The following RBBP8 variants were observed in gnomAD, a reference collection of about 807,000 sequenced individuals.
The protein encoded by RBBP8 is RB binding protein 8, endonuclease, also known as DNA endonuclease RBBP8.
A neutral mutation model predicts 108.3 loss-of-function variants in RBBP8; 88 were observed. That is an observed-to-expected ratio of 0.81 (90% confidence interval 0.68 to 0.97). The LOEUF is 0.97. Ranked by LOEUF, RBBP8 falls within the 50% of genes least tolerant of loss-of-function variation. The pLI, the probability that RBBP8 is intolerant of heterozygous loss-of-function variation, is 0.00. For missense variants in RBBP8, 1,023 were observed against 1,049.0 expected (o/e 0.98, Z 0.34); for synonymous variants, 332 against 348.2 (o/e 0.95, Z 0.52).
intron 2 of RBBP8, among the ~76,000 whole-genome samples, chr18:22,937,450 G>T (rs1910671643): frequency 6.8e-6 from 1 of 147,960 alleles, no homozygotes; most frequent in African/African-American, 2.5e-5. Context: ...GTTGAATTTT[G>T]TACATTTAAT....
intron 1 of RBBP8, among the ~76,000 whole-genome samples, chr18:22,915,210 C>T (rs887749456): frequency 2.6e-5 from 4 of 152,082 alleles, no homozygotes; most frequent in Admixed American, 6.5e-5. Flanking sequence ...GCTTTCCTGT[C>T]ATCTTAGTAG....
intron 5 of RBBP8, among the ~76,000 whole-genome samples, chr18:22,974,107 AT>A (rs1162344066): frequency 2.0e-5 from 3 of 152,218 alleles, no homozygotes; most frequent in Non-Finnish European, 4.4e-5. Context: ...TTAGAGTACA[AT>A]TAACCTTCTT....
chr18:22,959,179 G>C (rs1006669676), intron 4 of RBBP8, among the ~76,000 whole-genome samples: 1 of 152,072 alleles, frequency 6.6e-6, no homozygotes, highest in Non-Finnish European at 1.5e-5. Context: ...AATTTTCAAA[G>C]GGTCCTTGCA....
At chr18:23,022,651 T>TAAAATAAATAAAATAAAATAA (rs370599195) in intron 18 of RBBP8, among the ~76,000 whole-genome samples, 1 of 84,370 alleles carries the variant, frequency 1.2e-5, no homozygotes, top group African/African-American at 5.8e-5. Context: ...TAAAATACAA[T>TAAAATAAATAAAATAAAATAA]ATAAAATAAA....
chr18:23,022,204 C>G lies in RBBP8; in HGVS notation c.2530C>G (p.Pro844Ala), dbSNP rs757252674. ...CTCAAGACACCGATTCCGCTACATT[C>G]CACCCAACACACCAGAGAATTTTTG... Reference protein sequence around the residue: ...SCSRHRFRYIPPNTPENFWEV... With the variant: ...SCSRHRFRYIAPNTPENFWEV... The change falls in exon 18 of 19, where the codon CCA (proline) becomes GCA (alanine). Residue 844 changes from proline to alanine, a missense_variant. Pro to Ala is a conservative substitution (Grantham distance 27). Coordinates refer to ENST00000327155, the MANE Select transcript of RBBP8 (RefSeq NM_002894.3). 2.3e-5 allele frequency: 37 copies of G among 1,611,818 alleles called. No individual in the cohort carries two copies. Among genetic ancestry groups the G allele is most frequent in the Non-Finnish European group, 3.0e-5 (35 of 1,177,976 alleles).
At chr18:22,927,631 G>C (rs1909840297) in intron 3 of RBBP8, among the ~76,000 whole-genome samples, 1 of 151,974 alleles carries the variant, frequency 6.6e-6, no homozygotes, top group South Asian at 2.1e-4. Context: ...AATGTAAAAA[G>C]TCTCATTAAT....
chr18:23,022,668 T>TAATAAAATAATAA (rs1555650193), intron 18 of RBBP8, among the ~76,000 whole-genome samples: 1 of 136,030 alleles, frequency 7.4e-6, no homozygotes, highest in African/African-American at 2.9e-5. Context: ...TAAAATAAAA[T>TAATAAAATAATAA]AAATAACTGT....
rs977964198 is a variant in RBBP8 at position 23,006,399 on chromosome 18, C to T, written c.2324C>T (p.Ala775Val). The T allele has an allele frequency of 1.9e-6, 3 of 1,613,448 alleles. No individual in the cohort carries two copies. The highest frequency in any genetic ancestry group is 1.1e-5 in the South Asian group (1 of 91,066). ...AAACAAGACAAAGTCAAGCAGAAAG[C>T]GTTTGTGGAGCCGTATTTTAAAGGT... ...GDKQDKVKQK[A>V]FVEPYFKGDE... Residue 775 changes from alanine to valine, a missense_variant, in exon 16 of 19, where the codon GCG becomes GTG. Ala to Val is a moderately conservative substitution (Grantham distance 64). Coordinates refer to ENST00000327155, the MANE Select transcript of RBBP8 (RefSeq NM_002894.3).
chr18:23,023,746 G>A (rs1057298139), intron 18 of RBBP8, among the ~76,000 whole-genome samples: 37 of 152,010 alleles, frequency 2.4e-4, no homozygotes, highest in Non-Finnish European at 5.1e-4. Context: ...TGAAATGCTC[G>A]AGTCCTTAGC....
chr18:22,986,835 A>G (rs1326824279), intron 8 of RBBP8, among the ~76,000 whole-genome samples: 1 of 152,186 alleles, frequency 6.6e-6, no homozygotes, highest in Non-Finnish European at 1.5e-5. Flanking sequence ...GTATGTGTGC[A>G]TGTGCATGGA....
intron 17 of RBBP8, among the ~76,000 whole-genome samples, chr18:23,017,481 G>A (rs934185687): frequency 9.9e-5 from 15 of 151,098 alleles, no homozygotes; most frequent in Admixed American, 4.6e-4. Flanking sequence ...GTGAAACCCC[G>A]TCTCTACTAA....
In RBBP8 at chr18:22,946,425, T is replaced by C. The variant is rs201445753; in HGVS notation, c.110-19T>C. 9.3e-6 allele frequency: 15 copies of C among 1,611,380 alleles called. No individual in the cohort carries two copies. The East Asian group carries it at 3.1e-4, about 34-fold the overall frequency. On this transcript the variant is annotated intron_variant, in intron 2 of 18. Transcript: ENST00000327155. ...AAGGAACTGTTGTAGAAGTAATACC[T>C]TTTCTTTTTACTTTTCAGGTTTACA...
At chr18:23,000,312 T>G (rs2045926104) in intron 14 of RBBP8, among the ~76,000 whole-genome samples, 1 of 152,190 alleles carries the variant, frequency 6.6e-6, no homozygotes, top group African/African-American at 2.4e-5. Flanking sequence ...ATGGGAAATG[T>G]GGTTAGATCT....
intron 1 of RBBP8, among the ~76,000 whole-genome samples, chr18:22,934,454 T>A (rs1910326041): frequency 6.6e-6 from 1 of 152,266 alleles, no homozygotes; most frequent in African/African-American, 2.4e-5. Context: ...TTTAAACTGT[T>A]GACTTAATAG....
intron 16 of RBBP8, 118 bp from the exon 17 acceptor site, chr18:23,016,710 G>A (rs2046260574): frequency 1.9e-5 from 15 of 794,218 alleles, no homozygotes; most frequent in East Asian, 2.7e-5. Flanking sequence ...AGTATTTGAC[G>A]AAGCAATATT....
At chr18:23,009,113 G>T (rs911765713) in intron 16 of RBBP8, among the ~76,000 whole-genome samples, 23 of 152,096 alleles carry the variant, frequency 1.5e-4, no homozygotes, top group African/African-American at 5.3e-4. Context: ...ACTTCATACT[G>T]ATCGCTCTAA....
intron 4 of RBBP8, among the ~76,000 whole-genome samples, chr18:22,959,403 A>G (rs1912873285): frequency 6.6e-6 from 1 of 152,016 alleles, no homozygotes; most frequent in African/African-American, 2.4e-5. Flanking sequence ...GTTCTGATCA[A>G]CCTTCGTGAT....
intron 4 of RBBP8, among the ~76,000 whole-genome samples, chr18:22,951,587 G>A (rs1960218537): frequency 6.6e-6 from 1 of 152,140 alleles, no homozygotes; most frequent in African/African-American, 2.4e-5. Flanking sequence ...GACACTAGCT[G>A]GGTATCCTCT....
intron 5 of RBBP8, among the ~76,000 whole-genome samples, chr18:22,969,789 G>A (rs952022481): frequency 2.0e-5 from 3 of 152,038 alleles, no homozygotes; most frequent in Non-Finnish European, 4.4e-5. Flanking sequence ...CATACTTTGT[G>A]TTCTAATGTG....
Sources: allele counts gnomAD v4.1 joint callset (sites outside exome capture counted in the v4.1 genomes callset), GRCh38; gene constraint gnomAD v4.1.1; transcripts MANE v1.5; gene names NCBI Gene and HGNC (gene_info 2026-07-23, HGNC 2026-07-21).